The following FRMPD3 variants were observed in gnomAD, a reference collection of about 807,000 sequenced individuals.
FRMPD3 encodes FERM and PDZ domain-containing protein 3.
In FRMPD3, 42 loss-of-function variants were observed where a neutral mutation model predicts 97.9. The ratio of observed to expected loss-of-function variants is 0.43; its 90% CI spans 0.34 to 0.55. The LOEUF (loss-of-function observed/expected upper bound fraction) is 0.55. FRMPD3 is among the 20% of genes least tolerant of loss of function. FRMPD3 has a pLI of 0.03. For synonymous variants in FRMPD3, 577 were observed against 581.1 expected (o/e 0.99, Z 0.10); for missense variants, 1,303 against 1,457.7 (o/e 0.89, Z 1.73).
intron 8 of FRMPD3, among the ~76,000 whole-genome samples, chrX:107,559,427 C>A (rs1292022219): frequency 1.8e-5 from 2 of 112,080 alleles, no homozygotes; most frequent in Non-Finnish European, 3.8e-5. Context: ...TGGAAGAAAT[C>A]CTCCATGGAT....
intron 1 of FRMPD3, among the ~76,000 whole-genome samples, chrX:107,511,601 A>G (rs752846904): frequency 1.3e-4 from 15 of 113,013 alleles, no homozygotes; most frequent in African/African-American, 4.5e-4. Context: ...GAGTAGGCCC[A>G]CATTTGGCTT....
intron 1 of FRMPD3, among the ~76,000 whole-genome samples, chrX:107,461,699 A>G (rs1234199796): frequency 1.8e-5 from 2 of 110,484 alleles, no homozygotes; most frequent in Non-Finnish European, 3.8e-5. Flanking sequence ...TTACTATATC[A>G]AATAGAAGCT....
intron 1 of FRMPD3, among the ~76,000 whole-genome samples, chrX:107,525,289 C>T (rs1247271544): frequency 9.0e-6 from 1 of 111,703 alleles, no homozygotes; most frequent in Non-Finnish European, 1.9e-5. Flanking sequence ...CTCCACCTGC[C>T]CTGCCCTTCT....
At chrX:107,521,374 G>A (rs1430827353) in intron 1 of FRMPD3, among the ~76,000 whole-genome samples, 1 of 112,016 alleles carries the variant, frequency 8.9e-6, no homozygotes, top group African/African-American at 3.2e-5. Context: ...CAGCAGCTTG[G>A]GCACGACCCT....
chrX:107,471,839 G>A (rs761932067), intron 1 of FRMPD3, among the ~76,000 whole-genome samples: 3 of 112,197 alleles, frequency 2.7e-5, no homozygotes, highest in Non-Finnish European at 5.6e-5. Context: ...CTGAGTCAAA[G>A]GGTATTTCTG....
chrX:107,546,033 G>A (rs1431699013), intron 5 of FRMPD3, among the ~76,000 whole-genome samples, 192 bp downstream of exon 5: 1 of 111,637 alleles, frequency 9.0e-6, no homozygotes, highest in Non-Finnish European at 1.9e-5. Flanking sequence ...AGGCATTGTG[G>A]GGAGAAGGAA....
At chrX:107,484,477 CA>C (rs995594060) in intron 1 of FRMPD3, among the ~76,000 whole-genome samples, 1 of 112,614 alleles carries the variant, frequency 8.9e-6, no homozygotes, top group Non-Finnish European at 1.9e-5. Flanking sequence ...CCCTCCTCCC[CA>C]AATCCCAGAA....
chrX:107,456,933 G>A (rs1282256901), intron 1 of FRMPD3, among the ~76,000 whole-genome samples: 1 of 111,916 alleles, frequency 8.9e-6, no homozygotes, highest in African/African-American at 3.3e-5. Context: ...AGATCATTCT[G>A]GAGGCAGGAA....
At chrX:107,578,366 G>A (rs1233526007) in intron 13 of FRMPD3, among the ~76,000 whole-genome samples, 1 of 112,021 alleles carries the variant, frequency 8.9e-6, no homozygotes, top group African/African-American at 3.2e-5. Flanking sequence ...CCAAGCACAA[G>A]AGGGATATGT....
intron 11 of FRMPD3, among the ~76,000 whole-genome samples, chrX:107,563,870 A>T (rs764925720): frequency 8.9e-6 from 1 of 111,951 alleles, no homozygotes; most frequent in South Asian, 3.7e-4. Context: ...TGCAGGAACA[A>T]GGCTCTGGGG....
chrX:107,591,054 A>G (rs1439059229), intron 13 of FRMPD3, among the ~76,000 whole-genome samples: 3 of 111,082 alleles, frequency 2.7e-5, no homozygotes, highest in Non-Finnish European at 5.7e-5. Context: ...AGGAGTTTTA[A>G]TTCCTATCCT....
At chrX:107,581,644 C>T (rs1194356624) in intron 13 of FRMPD3, among the ~76,000 whole-genome samples, 2 of 111,464 alleles carry the variant, frequency 1.8e-5, no homozygotes, top group South Asian at 7.5e-4. Context: ...TACCCATTAG[C>T]GGTCACTCCC....
At chrX:107,504,570 A>G (rs779230616) in intron 1 of FRMPD3, among the ~76,000 whole-genome samples, 13 of 112,388 alleles carry the variant, frequency 1.2e-4, no homozygotes, top group African/African-American at 3.2e-4. Context: ...CATAGCAAGC[A>G]TAGTACTGTA....
chrX:107,586,217 A>T (rs1426728198), intron 13 of FRMPD3, among the ~76,000 whole-genome samples: 10 of 111,746 alleles, frequency 8.9e-5, no homozygotes, highest in African/African-American at 3.2e-4. Context: ...TAGATTTTCT[A>T]GTTTATTTGC....
rs193234928 is a variant in FRMPD3 at position 107,504,020 on chromosome X, G to A, written c.-7-22562G>A. 2.3e-3 allele frequency among the ~76,000 whole-genome samples: 255 copies of A among 112,829 alleles called. 1 individual carries two copies. The highest frequency in any genetic ancestry group is 4.0e-3 in the Non-Finnish European group (214 of 53,306). ...ATGCTGGGAAGAAGGGCAGGAGAGT[G>A]AAGGATAACATCAGCCTGTCTGGAG... is the stretch of plus-strand genomic sequence containing the variant. On this transcript the variant is annotated intron_variant, in intron 1 of 14. Coordinates refer to ENST00000683843, the MANE Select transcript of FRMPD3 (RefSeq NM_001388459.1).
Position 107,550,138 on chromosome X carries a change from T to C in FRMPD3, c.492T>C (p.Asp164=), listed in dbSNP as rs773271626. ...ENGQIKSFTF[D]GRTTVKDVML... is the part of the protein sequence containing the mutation. ...GGCAGATCAAGTCATTCACATTTGATGGTCGGACCACTGTTAAGGTACATA... is the reference window on the plus strand; with the variant it reads ...GGCAGATCAAGTCATTCACATTTGACGGTCGGACCACTGTTAAGGTACATA... The change falls in exon 6 of 15, where the codon GAT becomes GAC. Residue 164 remains aspartate, a synonymous_variant. Transcript: ENST00000683843. The C allele has an allele frequency of 1.7e-6, 2 of 1,189,606 alleles. No homozygotes were observed. The highest frequency in any genetic ancestry group is 3.6e-5 in the South Asian group (2 of 55,545).
At chrX:107,528,824 T>C (rs1452253013) in intron 2 of FRMPD3, among the ~76,000 whole-genome samples, 1 of 112,882 alleles carries the variant, frequency 8.9e-6, no homozygotes, top group Admixed American at 9.3e-5. Flanking sequence ...GCCAGTGCAC[T>C]GTCAGGAGAC....
At chrX:107,598,172 A>T (rs745504375) in intron 14 of FRMPD3, 30 bp downstream of exon 14, 2 of 1,126,656 alleles carry the variant, frequency 1.8e-6, no homozygotes, top group African/African-American at 3.6e-5. Context: ...CCCTCTTTCC[A>T]CCCCCTTCTC....
chrX:107,493,177 C>CAAA (rs60695168), intron 1 of FRMPD3, among the ~76,000 whole-genome samples: 736 of 51,525 alleles, frequency 0.014, 55 homozygotes, highest in African/African-American at 0.056. Context: ...GAGACCCTGT[C>CAAA]AAAAAAAAAA....
Sources: gnomAD v4.1 joint callset for allele counts (sites outside exome capture counted in the v4.1 genomes callset) on GRCh38, gnomAD v4.1.1 for gene constraint, MANE v1.5 for transcripts, NCBI Gene and HGNC (gene_info 2026-07-23, HGNC 2026-07-21) for gene names.